Variants in PLEKHG1 observed in about 807,000 individuals in gnomAD.
The protein encoded by PLEKHG1 is pleckstrin homology and RhoGEF domain containing G1.
In PLEKHG1, 44 loss-of-function variants were observed where a neutral mutation model predicts 100.8. The ratio of observed to expected loss-of-function variants is 0.44; its 90% CI spans 0.34 to 0.56. The LOEUF is 0.56. PLEKHG1 is among the 20% of genes least tolerant of loss of function. The pLI is 0.01. For missense variants in PLEKHG1, 1,545 were observed against 1,720.9 expected (o/e 0.90, Z 1.81); for synonymous variants, 640 against 662.5 (o/e 0.97, Z 0.52).
At chr6:150,670,445 C>G (rs566803223) in intron 3 of PLEKHG1, among the ~76,000 whole-genome samples, 1 of 152,158 alleles carries the variant, frequency 6.6e-6, no homozygotes, top group African/African-American at 2.4e-5. Flanking sequence ...AGGACAACAT[C>G]GAAGCCCTGA....
chr6:150,707,821 A>G (rs945410075), intron 3 of PLEKHG1, among the ~76,000 whole-genome samples: 2 of 152,158 alleles, frequency 1.3e-5, no homozygotes, highest in African/African-American at 4.8e-5. Flanking sequence ...GGGTACAGGT[A>G]AAGTCACTTT....
chr6:150,640,630 ACTT>A (rs1001745060), intron 2 of PLEKHG1, among the ~76,000 whole-genome samples: 1 of 151,786 alleles, frequency 6.6e-6, no homozygotes, highest in African/African-American at 2.4e-5. Context: ...AGCTCTTTCT[ACTT>A]CCCTCCTCTC....
chr6:150,694,605 C>T (rs779401673), intron 3 of PLEKHG1, among the ~76,000 whole-genome samples: 12 of 150,096 alleles, frequency 8.0e-5, no homozygotes, highest in Non-Finnish European at 1.6e-4. Flanking sequence ...GAGGATGAGG[C>T]GGGAGAATTG....
At chr6:150,775,053 G>T (rs994282242) in intron 3 of PLEKHG1, among the ~76,000 whole-genome samples, 3 of 151,736 alleles carry the variant, frequency 2.0e-5, no homozygotes, top group African/African-American at 7.3e-5. Flanking sequence ...TGTTCTTTTT[G>T]ATACCCAAAT....
At position 150,831,006 on chromosome 6, in the gene PLEKHG1, A is replaced by C. The variant is rs1776891839; in HGVS notation, c.1895A>C (p.Gln632Pro). 3 of 1,613,996 alleles carry C rather than the reference A, an allele frequency of 1.9e-6. No homozygotes were observed. The South Asian group carries it at 3.3e-5, about 18-fold the overall frequency. ...ACTAGTGACAGAACTAGGGAACTGC[A>C]GAACAGCCCCAAAACAGAAGGGCAG... Residue 632 changes from glutamine to proline, a missense_variant, in exon 15 of 16, where the codon CAG becomes CCG. By Grantham distance (76) the Gln-to-Pro change is moderately conservative (BLOSUM62 -1). Coordinates refer to ENST00000358517, the Ensembl canonical transcript of PLEKHG1. The surrounding 1 kb of genome is among the most constrained non-coding windows in gnomAD (Gnocchi z 4.1).
At chr6:150,697,440 C>A (rs749829448) in intron 3 of PLEKHG1, among the ~76,000 whole-genome samples, 15 of 152,142 alleles carry the variant, frequency 9.9e-5, no homozygotes, top group Non-Finnish European at 2.1e-4. Context: ...CTTAAAGAAG[C>A]GAACCCTGAG....
At chr6:150,753,041 A>G (rs1783613680) in intron 2 of PLEKHG1, among the ~76,000 whole-genome samples, 1 of 152,102 alleles carries the variant, frequency 6.6e-6, no homozygotes, top group Non-Finnish European at 1.5e-5. Flanking sequence ...TGAGCCCGGG[A>G]GGTGGAGGCT....
intron 5 of PLEKHG1, among the ~76,000 whole-genome samples, chr6:150,799,021 A>G (rs1985481): frequency 0.12 from 18,637 of 152,016 alleles, 1,546 homozygotes; most frequent in Non-Finnish European, 0.17. Context: ...GATTGCAGCC[A>G]TGAGCCACTG....
rs542045786 is a variant in PLEKHG1 at position 150,683,894 on chromosome 6, C to T, written c.-99+33108C>T. On this transcript the variant is annotated intron_variant, in intron 3 of 3. Transcript: ENST00000367326. This position sits in a 1 kb window ranked among gnomAD's most constrained non-coding sequence, Gnocchi z 4.0. ...GGCCTGGGATGGAGGTAAGATGGAGCGATCCTATGGTTTGGCACCTGCAGC... is the reference window on the plus strand; with the variant it reads ...GGCCTGGGATGGAGGTAAGATGGAGTGATCCTATGGTTTGGCACCTGCAGC... The T allele has an allele frequency of 8.0e-6, 9 of 1,122,564 alleles. No homozygotes were observed. The highest frequency in any genetic ancestry group is 5.6e-5 in the South Asian group (4 of 71,850). 69.5% of individuals were successfully genotyped at this position (1,122,564 alleles called of 1,614,324 possible).
At chr6:150,767,935 G>C (rs1295749113) in intron 2 of PLEKHG1, among the ~76,000 whole-genome samples, 2 of 152,160 alleles carry the variant, frequency 1.3e-5, no homozygotes, top group African/African-American at 4.8e-5. Context: ...ACTCAGTTAT[G>C]AACTCTTTAG....
intron 15 of PLEKHG1, among the ~76,000 whole-genome samples, chr6:150,838,221 G>A (rs1356524573): frequency 6.6e-6 from 1 of 152,146 alleles, no homozygotes. Context: ...TTACCTGCTG[G>A]TTGTCATATA....
At position 150,824,986 on chromosome 6, in the gene PLEKHG1, G is replaced by A. The variant is rs564822611; in HGVS notation, c.1470+1310G>A. 7.9e-5 allele frequency among the ~76,000 whole-genome samples: 12 copies of A among 152,210 alleles called. No individual in the cohort carries two copies. The South Asian group carries it at 2.5e-3, about 32-fold the overall frequency. The stretch of plus-strand genomic sequence containing the variant: ...TTTTGGTTTCATAAGTGGGGTCACT[G>A]CAGAGGGCTCCCTGCTCTTCAAAGC... On this transcript the variant is annotated intron_variant, in intron 14 of 15. Coordinates refer to ENST00000358517, the Ensembl canonical transcript of PLEKHG1.
intron 2 of PLEKHG1, among the ~76,000 whole-genome samples, chr6:150,755,727 G>A (rs1339797632): frequency 6.6e-6 from 1 of 152,162 alleles, no homozygotes; most frequent in East Asian, 1.9e-4. Context: ...CTGACCTTGA[G>A]GCCGATGTGT....
chr6:150,720,359 G>A (rs1221868828), upstream of PLEKHG1, among the ~76,000 whole-genome samples: 1 of 152,158 alleles, frequency 6.6e-6, no homozygotes, highest in Non-Finnish European at 1.5e-5. Flanking sequence ...CTAAAGTATT[G>A]TATGAATACT....
At chr6:150,779,211 G>A (rs1785157333) in intron 3 of PLEKHG1, among the ~76,000 whole-genome samples, 1 of 152,056 alleles carries the variant, frequency 6.6e-6, no homozygotes, top group Admixed American at 6.6e-5. Flanking sequence ...TCACAGATGA[G>A]GTACACCTGG....
chr6:150,816,452 T>C (rs1775965506), intron 10 of PLEKHG1, among the ~76,000 whole-genome samples: 2 of 144,930 alleles, frequency 1.4e-5, no homozygotes, highest in African/African-American at 2.5e-5. Context: ...CTCAGCCTCC[T>C]GAGTAGCTGG....
intron 3 of PLEKHG1, among the ~76,000 whole-genome samples, chr6:150,654,067 C>T (rs1215389685): frequency 6.6e-6 from 1 of 152,170 alleles, no homozygotes; most frequent in Non-Finnish European, 1.5e-5. Context: ...TGTGTGCCTT[C>T]TTGTCCAGGG....
chr6:150,775,746 G>A (rs1367410023), intron 3 of PLEKHG1, among the ~76,000 whole-genome samples: 1 of 152,130 alleles, frequency 6.6e-6, no homozygotes, highest in African/African-American at 2.4e-5. Context: ...CATGGGATTC[G>A]TACAACAGCA....
chr6:150,612,781 T>C (rs1349440986), intron 1 of PLEKHG1, among the ~76,000 whole-genome samples: 2 of 152,166 alleles, frequency 1.3e-5, no homozygotes, highest in African/African-American at 2.4e-5. Context: ...GAAAACCTCA[T>C]AGGCTTTACC....
Sources: allele counts gnomAD v4.1 joint callset (sites outside exome capture counted in the v4.1 genomes callset), GRCh38; gene constraint gnomAD v4.1.1; non-coding constraint Gnocchi (gnomAD v3.1); transcripts MANE v1.5; gene names NCBI Gene and HGNC (gene_info 2026-07-23, HGNC 2026-07-21).